TLX3: variants seen among roughly 807,000 people sequenced by gnomAD.
TLX3 encodes the protein T cell leukemia homeobox 3, also known as T-cell leukemia homeobox protein 3.
A neutral mutation model predicts 19.6 loss-of-function variants in TLX3; 11 were observed. The ratio of observed to expected loss-of-function variants is 0.56; its 90% CI spans 0.35 to 0.93. The LOEUF is 0.93. Among genes scored for constraint, TLX3 ranks in the 40% least tolerant of loss-of-function variants. TLX3 has a pLI of 0.01. For synonymous variants in TLX3, 221 were observed against 188.1 expected (o/e 1.17, Z -1.43); for missense variants, 375 against 418.6 (o/e 0.90, Z 0.91).
intron 2 of TLX3, among the ~76,000 whole-genome samples, chr5:171,310,922 G>A (rs1330819503): frequency 6.6e-6 from 1 of 151,914 alleles, no homozygotes; most frequent in Non-Finnish European, 1.5e-5. Flanking sequence ...CGTAAACGGC[G>A]AAGCGATCGC....
rs1467276689 is a variant in TLX3 at position 171,312,072 on chromosome 5, T to G, written c.*473T>G. ...CACCCTGCGTTTAGGCTGGGTCCAC[T>G]CTTCTTCTTTTCCGTTCCTTTTATT... On this transcript the variant is annotated 3_prime_UTR_variant, in exon 3 of 3. Coordinates refer to ENST00000296921, the MANE Select transcript of TLX3 (RefSeq NM_021025.4). 5.4e-6 allele frequency: 1 copy of G among 186,342 alleles called. No individual in the cohort carries two copies. Among genetic ancestry groups the G allele is most frequent in the Non-Finnish European group, 1.1e-5 (1 of 87,780 alleles). 11.5% of individuals were successfully genotyped at this position (186,342 alleles called of 1,614,324 possible). A position where few individuals can be genotyped will look rare whatever the true frequency, so the allele number is the denominator to read the frequency against.
chr5:171,310,866 C>T (rs1769208493), intron 2 of TLX3, among the ~76,000 whole-genome samples: 2 of 152,078 alleles, frequency 1.3e-5, no homozygotes, highest in African/African-American at 4.8e-5. Flanking sequence ...ATCTCCGCGT[C>T]TCCATTCCAG....
chr5:171,309,825 TCTCGGGGCCAGAGGCGCCGC>T, intron 1 of TLX3, 39 bp downstream of exon 1: 1 of 1,521,664 alleles, frequency 6.6e-7, no homozygotes, highest in South Asian at 1.3e-5. Context: ...GCCTCCGCCC[TCTCGGGGCCAGAGGCGCCGC>T]GCCCTGTGCG....
rs756392015 is a variant in TLX3, at chr5:171,309,802, G to C, written c.421+16G>C. The C allele has an allele frequency of 4.4e-6, 7 of 1,573,246 alleles. No individual in the cohort carries two copies. Among genetic ancestry groups the C allele is most frequent in the Non-Finnish European group, 6.0e-6 (7 of 1,159,620 alleles). The stretch of plus-strand genomic sequence containing the variant: ...CGCTTCACAGGTGAGCAGAGCTGGC[G>C]ACCAGGCTCCAGGCCTCCGCCCTCT... On this transcript the variant is annotated intron_variant, in intron 1 of 2. Coordinates refer to ENST00000296921, the MANE Select transcript of TLX3 (RefSeq NM_021025.4).
At position 171,311,619 on chromosome 5, in the gene TLX3, C is replaced by T; in HGVS notation, c.*20C>T. ...GTGTGAGCCCACCAGCGCGCACCGTCGCCACGGATCGCCGCCCCCACCCAG... is the reference window on the plus strand; with the variant it reads ...GTGTGAGCCCACCAGCGCGCACCGTTGCCACGGATCGCCGCCCCCACCCAG... On this transcript the variant is annotated 3_prime_UTR_variant, in exon 3 of 3. Coordinates refer to ENST00000296921, the MANE Select transcript of TLX3 (RefSeq NM_021025.4). This position sits in a 1 kb window ranked among gnomAD's most constrained non-coding sequence, Gnocchi z 5.1. 6.4e-7 allele frequency: 1 copy of T among 1,567,282 alleles called. No homozygotes were observed. The highest frequency in any genetic ancestry group is 8.7e-7 in the Non-Finnish European group (1 of 1,150,572).
rs755356241 is a variant in TLX3 at position 171,310,402 on chromosome 5, G to A, written c.665+9G>A. 14 of 1,611,400 alleles carry A rather than the reference G, an allele frequency of 8.7e-6. No homozygotes were observed. The highest frequency in any genetic ancestry group is 1.2e-5 in the Non-Finnish European group (14 of 1,179,074). On this transcript the variant is annotated intron_variant, in intron 2 of 2. Transcript: ENST00000296921. ...CGGAGGACCAAGTGGCGGTGAGAGAGGCCTGACCCGGCCCACCTTACACCT... is the reference window on the plus strand; with the variant it reads ...CGGAGGACCAAGTGGCGGTGAGAGAAGCCTGACCCGGCCCACCTTACACCT...
At position 171,310,069 on chromosome 5, in the gene TLX3, C is replaced by T. The variant is rs1354024164; in HGVS notation, c.422-81C>T. The T allele has an allele frequency of 8.2e-6, 12 of 1,471,776 alleles. No individual in the cohort carries two copies. In the African/African-American group the frequency reaches 1.3e-4, roughly 16 times the overall value. The allele number at this position is 1,471,776 out of a possible 1,614,324, so 91.2% of individuals were successfully genotyped here. A position where few individuals can be genotyped will look rare whatever the true frequency, so the allele number is the denominator to read the frequency against. On this transcript the variant is annotated intron_variant, in intron 1 of 2. Coordinates refer to ENST00000296921, the MANE Select transcript of TLX3 (RefSeq NM_021025.4). ...AAATAGCGGAGCTCTCCGTGTCCCA[C>T]GGGGCGCCACGGGGTCCGCATGGGG...
rs1184131880 is a variant in TLX3 at position 171,311,733 on chromosome 5, C to T, written c.*134C>T. ...CCTAGCCCGAGTAGGCCCCAGGGCG[C>T]GGCCACAGACTGGCGGGCCGCGGAA... On this transcript the variant is annotated 3_prime_UTR_variant, in exon 3 of 3. Transcript: ENST00000296921. The surrounding 1 kb of genome is among the most constrained non-coding windows in gnomAD (Gnocchi z 5.1). The T allele has an allele frequency of 8.6e-5, 52 of 606,576 alleles. No homozygotes were observed. Among genetic ancestry groups the T allele is most frequent in the Non-Finnish European group, 9.6e-5 (36 of 373,882 alleles). 37.6% of individuals were successfully genotyped at this position (606,576 alleles called of 1,614,324 possible). A position where few individuals can be genotyped will look rare whatever the true frequency, so the allele number is the denominator to read the frequency against.
Position 171,309,386 on chromosome 5 carries a change from G to C in TLX3, c.21G>C (p.Ala7=), listed in dbSNP as rs537348276. Residue 7 remains alanine, a synonymous_variant, in exon 1 of 3, where the codon GCG becomes GCC. Coordinates refer to ENST00000296921, the MANE Select transcript of TLX3 (RefSeq NM_021025.4). The part of the protein sequence containing the change: MEAPAS[A]QTPHPHEPIS... ...CCAGGATGGAGGCGCCCGCCAGCGC[G>C]CAGACCCCGCACCCGCACGAGCCCA... 7.3e-7 allele frequency: 1 copy of C among 1,364,704 alleles called. No individual in the cohort carries two copies. The highest frequency in any genetic ancestry group is 4.7e-5 in the East Asian group (1 of 21,328). 84.5% of individuals were successfully genotyped at this position (1,364,704 alleles called of 1,614,324 possible).
In TLX3 at chr5:171,309,347, G is replaced by GAC; in HGVS notation, c.-19_-18insAC. On this transcript the variant is annotated 5_prime_UTR_variant, in exon 1 of 3. Transcript: ENST00000296921. ...CCGCCTCCCCGCCCAGCCCAGCCCA[G>GAC]CCCTTCCGCCCGCCCAGGATGGAGG... is the stretch of plus-strand genomic sequence containing the variant. 1.6e-6 allele frequency: 1 copy of GAC among 628,428 alleles called. No individual in the cohort carries two copies. The highest frequency in any genetic ancestry group is 2.6e-6 in the Non-Finnish European group (1 of 379,862). The allele number at this position is 628,428 out of a possible 1,614,324, so 38.9% of individuals were successfully genotyped here.
chr5:171,310,038 C>G (rs1769194885), intron 1 of TLX3, 112 bp from the exon 2 acceptor site: 2 of 1,436,234 alleles, frequency 1.4e-6, no homozygotes, highest in East Asian at 5.0e-5. Flanking sequence ...ACGCGCGCGA[C>G]CAGCGAAATA....
Position 171,309,385 on chromosome 5 carries a change from C to T in TLX3, c.20C>T (p.Ala7Val), listed in dbSNP as rs376677458. 1.9e-6 allele frequency: 3 copies of T among 1,600,794 alleles called. No individual in the cohort carries two copies. Among genetic ancestry groups the T allele is most frequent in the Non-Finnish European group, 2.6e-6 (3 of 1,175,516 alleles). ...CCCAGGATGGAGGCGCCCGCCAGCG[C>T]GCAGACCCCGCACCCGCACGAGCCC... MEAPAS[A>V]QTPHPHEPIS... Residue 7 changes from alanine (A) to valine (V), a missense_variant, in exon 1 of 3, where the codon GCG becomes GTG. Transcript: ENST00000296921.
chr5:171,310,756 G>GCA (rs1258359595), intron 2 of TLX3, among the ~76,000 whole-genome samples: 1 of 95,738 alleles, frequency 1.0e-5, no homozygotes, highest in Non-Finnish European at 1.9e-5. Flanking sequence ...ACACACACGC[G>GCA]CACACACACG....
Position 171,311,520 on chromosome 5 carries a change from C to G in TLX3, c.797C>G (p.Ser266Trp). 6.2e-7 allele frequency: 1 copy of G among 1,613,462 alleles called. No homozygotes were observed. The highest frequency in any genetic ancestry group is 8.5e-7 in the Non-Finnish European group (1 of 1,179,736). The change falls in exon 3 of 3, where the codon TCG (serine) becomes TGG (tryptophan). Residue 266 changes from serine to tryptophan, a missense_variant. Physicochemically the swap from Ser to Trp is radical, Grantham distance 177 (BLOSUM62 -3). This residue lies in a region of TLX3 where 62 missense variants were observed against 63.1 expected (regional missense o/e 0.98). Coordinates refer to ENST00000296921, the MANE Select transcript of TLX3 (RefSeq NM_021025.4). The surrounding 1 kb of genome is among the most constrained non-coding windows in gnomAD (Gnocchi z 5.1). ...IQPDPLCLHN[S>W]SLFALQNLQP... Reference sequence around the variant, plus strand: ...CCTGACCCGCTCTGTCTGCACAACTCGTCACTCTTTGCTCTGCAGAATCTG... The same window carrying G: ...CCTGACCCGCTCTGTCTGCACAACTGGTCACTCTTTGCTCTGCAGAATCTG...
Position 171,311,680 on chromosome 5 carries a change from G to C in TLX3, c.*81G>C, listed in dbSNP as rs1013518201. The C allele has an allele frequency of 2.6e-6, 3 of 1,152,452 alleles. No homozygotes were observed. The highest frequency in any genetic ancestry group is 3.1e-5 in the South Asian group (2 of 64,966). 71.4% of individuals were successfully genotyped at this position (1,152,452 alleles called of 1,614,324 possible). ...CGGACCCCCCAGGCGGGCTGCGGGG[G>C]AACCGGCGCCGAGAGGGGAAGGGGC... On this transcript the variant is annotated 3_prime_UTR_variant, in exon 3 of 3. Transcript: ENST00000296921. The surrounding 1 kb of genome is among the most constrained non-coding windows in gnomAD (Gnocchi z 5.1).
In TLX3 at chr5:171,311,663, C is replaced by A. The variant is rs1769225308; in HGVS notation, c.*64C>A. ...CACCCAGCCGGGCGCCCCGGACCCC[C>A]CAGGCGGGCTGCGGGGGAACCGGCG... On this transcript the variant is annotated 3_prime_UTR_variant, in exon 3 of 3. Coordinates refer to ENST00000296921, the MANE Select transcript of TLX3 (RefSeq NM_021025.4). This position sits in a 1 kb window ranked among gnomAD's most constrained non-coding sequence, Gnocchi z 5.1. 7.5e-7 allele frequency: 1 copy of A among 1,333,948 alleles called. No homozygotes were observed. The highest frequency in any genetic ancestry group is 2.2e-5 in the Admixed American group (1 of 45,784). 82.6% of individuals were successfully genotyped at this position (1,333,948 alleles called of 1,614,324 possible).
Position 171,309,564 on chromosome 5 carries a change from G to C in TLX3, c.199G>C (p.Gly67Arg). 6.3e-7 allele frequency: 1 copy of C among 1,585,682 alleles called. No homozygotes were observed. Among genetic ancestry groups the C allele is most frequent in the Non-Finnish European group, 8.6e-7 (1 of 1,167,354 alleles). The change falls in exon 1 of 3, where the codon GGC becomes CGC. Residue 67 changes from glycine (G) to arginine (R), a missense_variant. Transcript: ENST00000296921. The stretch of plus-strand genomic sequence containing the variant: ...TCTGCCCGCCTCCTTTGCGGGCCTC[G>C]GCGCGCCCTTCGAGGACGCGGGATC... ...PSLPASFAGL[G>R]APFEDAGSYS...
rs538795133 is a variant in TLX3, at chr5:171,311,349, G to T, written c.666-40G>T. ...CCCCGCCGGCGGCCCCGCGGTGCCG[G>T]GTGCATGACGGTACTGTCCCTCTCC... On this transcript the variant is annotated intron_variant, in intron 2 of 2. Coordinates refer to ENST00000296921, the MANE Select transcript of TLX3 (RefSeq NM_021025.4). The surrounding 1 kb of genome is among the most constrained non-coding windows in gnomAD (Gnocchi z 5.1). 1.1e-5 allele frequency: 17 copies of T among 1,524,800 alleles called. No individual in the cohort carries two copies. Among genetic ancestry groups the T allele is most frequent in the Non-Finnish European group, 1.4e-5 (16 of 1,133,320 alleles). 94.5% of individuals were successfully genotyped at this position (1,524,800 alleles called of 1,614,324 possible). A position where few individuals can be genotyped will look rare whatever the true frequency, so the allele number is the denominator to read the frequency against.
Position 171,309,832 on chromosome 5 carries a change from G to A in TLX3, c.421+46G>A, listed in dbSNP as rs764720567. On this transcript the variant is annotated intron_variant, in intron 1 of 2. Transcript: ENST00000296921. ...GGCTCCAGGCCTCCGCCCTCTCGGGGCCAGAGGCGCCGCGCCCTGTGCGCT... is the reference window on the plus strand; with the variant it reads ...GGCTCCAGGCCTCCGCCCTCTCGGGACCAGAGGCGCCGCGCCCTGTGCGCT... 4 of 1,505,520 alleles carry A rather than the reference G, an allele frequency of 2.7e-6. No individual in the cohort carries two copies. The East Asian group carries it at 9.3e-5, about 35-fold the overall frequency. 93.3% of individuals were successfully genotyped at this position (1,505,520 alleles called of 1,614,324 possible).
Sources: allele counts gnomAD v4.1 joint callset (sites outside exome capture counted in the v4.1 genomes callset), GRCh38; gene constraint gnomAD v4.1.1; regional missense constraint gnomAD v4.1.1; non-coding constraint Gnocchi (gnomAD v3.1); transcripts MANE v1.5; gene names NCBI Gene and HGNC (gene_info 2026-07-23, HGNC 2026-07-21).